Variants in ZNF26 observed in about 807,000 individuals in gnomAD.
The protein encoded by ZNF26 is epididymis luminal protein 179.
ZNF26 carries 32 observed loss-of-function variants against 54.9 expected under a neutral mutation model. The observed-to-expected ratio is 0.58, with a 90% CI of 0.44 to 0.78. The LOEUF (loss-of-function observed/expected upper bound fraction) is 0.78, where lower values mean the gene tolerates loss of function less well. Among genes scored for constraint, ZNF26 ranks in the 30% least tolerant of loss-of-function variants. The pLI is 0.00. For missense variants in ZNF26, 524 were observed against 634.0 expected (o/e 0.83, Z 1.86); for synonymous variants, 221 against 209.2 (o/e 1.06, Z -0.49).
rs574673213 is a variant in ZNF26, at chr12:132,996,151, G to A, written c.33+9278G>A. The stretch of plus-strand genomic sequence containing the variant: ...TGTTTCTGGAGCACCTTGAGGCTGC[G>A]GGAGACTCAGTCTGCCATTCCAGCC... On this transcript the variant is annotated intron_variant, in intron 1 of 3. Transcript: ENST00000328654. Among the ~76,000 whole-genome samples, 11 of 152,228 alleles carry A rather than the reference G, an allele frequency of 7.2e-5. No homozygotes were observed. In the South Asian group the frequency reaches 1.7e-3, roughly 23 times the overall value.
chr12:132,986,698 C>T lies in ZNF26; in HGVS notation c.-143C>T, dbSNP rs1050539723. The T allele has an allele frequency of 2.5e-6, 2 of 811,658 alleles. No individual in the cohort carries two copies. Among genetic ancestry groups the T allele is most frequent in the Non-Finnish European group, 3.9e-6 (2 of 519,038 alleles). The allele number at this position is 811,658 out of a possible 1,614,324, so 50.3% of individuals were successfully genotyped here. A position where few individuals can be genotyped will look rare whatever the true frequency, so the allele number is the denominator to read the frequency against. ...TGGGCGAGAGCTGAGGAGCCGGCGT[C>T]CCTGCCAACGACTCGGCCCCGGGAC... On this transcript the variant is annotated 5_prime_UTR_variant, in exon 1 of 4. Transcript: ENST00000328654.
rs755502496 is a variant in ZNF26 at position 133,017,825 on chromosome 12, T to A, written c.*6344T>A. The A allele has an allele frequency of 3.3e-5, 5 of 152,228 alleles. No individual in the cohort carries two copies. Among genetic ancestry groups the A allele is most frequent in the African/African-American group, 7.2e-5 (3 of 41,516 alleles). The allele number at this position is 152,228 out of a possible 1,614,324, so 9.4% of individuals were successfully genotyped here. On this transcript the variant is annotated 3_prime_UTR_variant, in exon 4 of 4. Transcript: ENST00000328654. Reference sequence around the variant, plus strand: ...GAGGTCAAGACCATCCTCACTAACATGGTGAAACCCCATCTCTATTAAAAA... The same window carrying A: ...GAGGTCAAGACCATCCTCACTAACAAGGTGAAACCCCATCTCTATTAAAAA...
In ZNF26 at chr12:133,010,183, A is replaced by G; in HGVS notation, c.304A>G (p.Ile102Val). ...YQNNQDELES[I>V]ERSYACSVLG... ...GAACAATCAAGATGAGCTTGAGAGT[A>G]TTGAAAGAAGCTATGCTTGTAGTGT... Residue 102 changes from isoleucine to valine, a missense_variant, in exon 4 of 4, where the codon ATT becomes GTT. Physicochemically the swap from Ile to Val is conservative, Grantham distance 29. Coordinates refer to ENST00000328654, the MANE Select transcript of ZNF26 (RefSeq NM_019591.4). 1.2e-6 allele frequency: 2 copies of G among 1,610,568 alleles called. No individual in the cohort carries two copies. The highest frequency in any genetic ancestry group is 1.7e-6 in the Non-Finnish European group (2 of 1,179,202).
rs1162339861 is a variant in ZNF26, at chr12:133,015,688, G to A, written c.*4207G>A. 6.6e-6 allele frequency: 1 copy of A among 152,096 alleles called. No homozygotes were observed. The highest frequency in any genetic ancestry group is 2.4e-5 in the African/African-American group (1 of 41,416). 9.4% of individuals were successfully genotyped at this position (152,096 alleles called of 1,614,324 possible). The stretch of plus-strand genomic sequence containing the variant: ...CAAACTATATAATAATAATACAGAA[G>A]ACAAATGTCAATGTTGCTGAAAAGC... On this transcript the variant is annotated 3_prime_UTR_variant, in exon 4 of 4. Transcript: ENST00000328654.
chr12:132,993,943 T>G (rs1248093575), intron 1 of ZNF26, among the ~76,000 whole-genome samples: 1 of 152,170 alleles, frequency 6.6e-6, no homozygotes, highest in African/African-American at 2.4e-5. Flanking sequence ...TCTCCTGGAC[T>G]CTCAACCTCA....
intron 1 of ZNF26, among the ~76,000 whole-genome samples, chr12:132,998,382 G>T (rs1374757415): frequency 1.3e-5 from 2 of 152,078 alleles, no homozygotes; most frequent in Non-Finnish European, 2.9e-5. Flanking sequence ...GGTCAGGCTG[G>T]TCTCAAACTT....
In ZNF26 at chr12:133,010,804, A is replaced by G; in HGVS notation, c.925A>G (p.Thr309Ala). The G allele has an allele frequency of 6.2e-7, 1 of 1,614,050 alleles. No homozygotes were observed. Among genetic ancestry groups the G allele is most frequent in the African/African-American group, 1.3e-5 (1 of 75,044 alleles). The change falls in exon 4 of 4, where the codon ACA becomes GCA. Residue 309 changes from threonine (T) to alanine (A), a missense_variant. By Grantham distance (58) the Thr-to-Ala change is moderately conservative. Coordinates refer to ENST00000328654, the MANE Select transcript of ZNF26 (RefSeq NM_019591.4). ...SPFVVHQRTHTGVKPHKCSEC... is the reference protein window; with the variant it reads ...SPFVVHQRTHAGVKPHKCSEC... ...ATTCGTTGTACACCAGAGAACTCAT[A>G]CAGGAGTGAAACCCCATAAATGCAG... is the stretch of plus-strand genomic sequence containing the variant.
In ZNF26 at chr12:133,025,093, G is replaced by T. The variant is rs1322437838; in HGVS notation, c.*13612G>T. ...GGGTAGAGCAAAGAGCCATGGAGGAGAAGTCCAAGAAAGCAGAACCAAACC... is the reference window on the plus strand; with the variant it reads ...GGGTAGAGCAAAGAGCCATGGAGGATAAGTCCAAGAAAGCAGAACCAAACC... On this transcript the variant is annotated 3_prime_UTR_variant, in exon 4 of 4. Coordinates refer to ENST00000328654, the MANE Select transcript of ZNF26 (RefSeq NM_019591.4). 1.3e-5 allele frequency: 2 copies of T among 152,226 alleles called. No individual in the cohort carries two copies. The highest frequency in any genetic ancestry group is 1.3e-4 in the Admixed American group (2 of 15,284). 9.4% of individuals were successfully genotyped at this position (152,226 alleles called of 1,614,324 possible).
At chr12:133,006,748 C>T (rs1953339275) in intron 1 of ZNF26, 2 of 276,844 alleles carry the variant, frequency 7.2e-6, no homozygotes, top group Non-Finnish European at 1.4e-5. Flanking sequence ...GTGCCTGCCA[C>T]TGCGCCCAGC....
chr12:132,993,240 G>C (rs1309026051), intron 1 of ZNF26, among the ~76,000 whole-genome samples: 2 of 151,618 alleles, frequency 1.3e-5, no homozygotes, highest in Non-Finnish European at 2.9e-5. Flanking sequence ...GGTTAGGCTG[G>C]TTTCGAACTT....
At position 133,007,454 on chromosome 12, in the gene ZNF26, C is replaced by A; in HGVS notation, c.178C>A (p.Pro60Thr). Residue 60 changes from proline to threonine, a missense_variant, in exon 3 of 4, where the codon CCT becomes ACT. Pro to Thr is a conservative substitution (Grantham distance 38, BLOSUM62 -1). Coordinates refer to ENST00000328654, the MANE Select transcript of ZNF26 (RefSeq NM_019591.4). ...LISVGYHGTK[P>T]DLIFKLEQGE... ...ATCAACAGGGTATCATGGTACCAAG[C>A]CTGACTTAATCTTCAAGTTGGAACA... 2 of 1,613,504 alleles carry A rather than the reference C, an allele frequency of 1.2e-6. No individual in the cohort carries two copies. Among genetic ancestry groups the A allele is most frequent in the Non-Finnish European group, 1.7e-6 (2 of 1,179,632 alleles).
At chr12:133,003,900 A>C (rs778839839) in intron 1 of ZNF26, among the ~76,000 whole-genome samples, 2,710 of 152,292 alleles carry the variant, frequency 0.018, 80 homozygotes, top group African/African-American at 0.061. Context: ...GGGATGTATA[A>C]ATAAGAAATG....
At chr12:133,003,759 A>G (rs1953268598) in intron 1 of ZNF26, among the ~76,000 whole-genome samples, 4 of 152,184 alleles carry the variant, frequency 2.6e-5, no homozygotes, top group African/African-American at 7.2e-5. Context: ...GTGAAATTAT[A>G]TATTATAGAA....
rs1953693429 is a variant in ZNF26 at position 133,025,595 on chromosome 12, C to T, written c.*14114C>T. 1 of 148,452 alleles carries T rather than the reference C, an allele frequency of 6.7e-6. No individual in the cohort carries two copies. The highest frequency in any genetic ancestry group is 2.4e-5 in the African/African-American group (1 of 41,338). The allele number at this position is 148,452 out of a possible 1,614,324, so 9.2% of individuals were successfully genotyped here. On this transcript the variant is annotated 3_prime_UTR_variant, in exon 4 of 4. Transcript: ENST00000328654. ...TTTCTCCCATGAGAGTTGAGGTCGA[C>T]ACCAGCTCCTTGAACCTGGGTGGAC... is the stretch of plus-strand genomic sequence containing the variant.
At position 133,017,806 on chromosome 12, in the gene ZNF26, A is replaced by T. The variant is rs1323738943; in HGVS notation, c.*6325A>T. 1 of 152,340 alleles carries T rather than the reference A, an allele frequency of 6.6e-6. No individual in the cohort carries two copies. Among genetic ancestry groups the T allele is most frequent in the South Asian group, 2.1e-4 (1 of 4,818 alleles). The allele number at this position is 152,340 out of a possible 1,614,324, so 9.4% of individuals were successfully genotyped here. On this transcript the variant is annotated 3_prime_UTR_variant, in exon 4 of 4. Transcript: ENST00000328654. ...GGGCGGATCACAAGGTCTGGAGGTC[A>T]AGACCATCCTCACTAACATGGTGAA...
In ZNF26 at chr12:133,011,647, C is replaced by A. The variant is rs1321062755; in HGVS notation, c.*166C>A. ...TGTAAAAGCTTTCAGAAATAAGTTA[C>A]AAATCTTTGTAGATGAAAATAATGG... is the stretch of plus-strand genomic sequence containing the variant. On this transcript the variant is annotated 3_prime_UTR_variant, in exon 4 of 4. Transcript: ENST00000328654. The A allele has an allele frequency of 3.7e-6, 2 of 541,024 alleles. No individual in the cohort carries two copies. Among genetic ancestry groups the A allele is most frequent in the Non-Finnish European group, 5.9e-6 (2 of 336,662 alleles). The allele number at this position is 541,024 out of a possible 1,614,324, so 33.5% of individuals were successfully genotyped here. A position where few individuals can be genotyped will look rare whatever the true frequency, so the allele number is the denominator to read the frequency against.
intron 1 of ZNF26, among the ~76,000 whole-genome samples, chr12:133,003,774 C>G (rs1276236316): frequency 1.3e-5 from 2 of 152,110 alleles, no homozygotes; most frequent in Non-Finnish European, 2.9e-5. Context: ...ATAGAAAAGC[C>G]ATCTAGCATA....
intron 1 of ZNF26, among the ~76,000 whole-genome samples, chr12:132,994,019 C>G (rs990764599): frequency 1.3e-5 from 2 of 152,108 alleles, no homozygotes; most frequent in Admixed American, 6.5e-5. Flanking sequence ...TGGTATATCT[C>G]TCTTCCCTCA....
At position 133,022,049 on chromosome 12, in the gene ZNF26, T is replaced by C. The variant is rs1953650328; in HGVS notation, c.*10568T>C. ...GTCTAGCCAACATGGTGATAGCCCC[T>C]GTTTACCAAAAATACAAAAATTAGC... On this transcript the variant is annotated 3_prime_UTR_variant, in exon 4 of 4. Coordinates refer to ENST00000328654, the MANE Select transcript of ZNF26 (RefSeq NM_019591.4). The C allele has an allele frequency of 6.6e-6, 1 of 151,900 alleles. No individual in the cohort carries two copies. The highest frequency in any genetic ancestry group is 1.5e-5 in the Non-Finnish European group (1 of 67,978). The allele number at this position is 151,900 out of a possible 1,614,324, so 9.4% of individuals were successfully genotyped here.
Sources: gnomAD v4.1 joint callset for allele counts (sites outside exome capture counted in the v4.1 genomes callset) on GRCh38, gnomAD v4.1.1 for gene constraint, MANE v1.5 for transcripts, NCBI Gene and HGNC (gene_info 2026-07-23, HGNC 2026-07-21) for gene names.